EXOC4: variants seen among roughly 807,000 people sequenced by gnomAD.
EXOC4 encodes exocyst complex component 4.
In EXOC4, 71 loss-of-function variants were observed where a neutral mutation model predicts 107.2. The observed-to-expected ratio is 0.66, with a 90% confidence interval of 0.55 to 0.81. The LOEUF (loss-of-function observed/expected upper bound fraction) is 0.81. EXOC4 is among the 30% of genes least tolerant of loss of function. EXOC4 has a pLI of 0.00. For synonymous variants in EXOC4, 456 were observed against 441.2 expected (o/e 1.03, Z -0.42); for missense variants, 1,108 against 1,189.6 (o/e 0.93, Z 1.01).
At chr7:133,997,876 A>G (rs1794435440) in intron 15 of EXOC4, among the ~76,000 whole-genome samples, 1 of 152,206 alleles carries the variant, frequency 6.6e-6, no homozygotes, top group Non-Finnish European at 1.5e-5. Flanking sequence ...GAATGTCACT[A>G]TCAACTGGCT....
chr7:133,670,370 TC>T (rs1270378602), intron 10 of EXOC4, among the ~76,000 whole-genome samples: 2 of 152,258 alleles, frequency 1.3e-5, no homozygotes, highest in Non-Finnish European at 2.9e-5. Context: ...TGTGAAAGAT[TC>T]TGGCATTTCC....
the EXOC4 span, among the ~76,000 whole-genome samples, chr7:134,081,377 ACAG>A: frequency 1.3e-5 from 2 of 151,966 alleles, no homozygotes; most frequent in Admixed American, 1.3e-4. Flanking sequence ...AATAAATAAA[ACAG>A]CAGCCCCTTC....
At chr7:133,369,019 T>C (rs1376020230) in intron 6 of EXOC4, among the ~76,000 whole-genome samples, 2 of 152,214 alleles carry the variant, frequency 1.3e-5, no homozygotes, top group African/African-American at 4.8e-5. Context: ...TTCTTTTATT[T>C]AATATTTTCT....
At chr7:133,555,651 T>A (rs1800676574) in intron 9 of EXOC4, among the ~76,000 whole-genome samples, 1 of 152,202 alleles carries the variant, frequency 6.6e-6, no homozygotes, top group African/African-American at 2.4e-5. Context: ...GAGGGTTAAA[T>A]GAGATAATGC....
intron 9 of EXOC4, among the ~76,000 whole-genome samples, chr7:133,599,096 C>T (rs1368174041): frequency 6.6e-6 from 1 of 152,080 alleles, no homozygotes; most frequent in Non-Finnish European, 1.5e-5. Context: ...TACCTGTTTG[C>T]ATGATATTTT....
intron 5 of EXOC4, among the ~76,000 whole-genome samples, chr7:133,323,491 C>T (rs1348671541): frequency 6.6e-6 from 1 of 152,052 alleles, no homozygotes; most frequent in Non-Finnish European, 1.5e-5. Flanking sequence ...GTCTTTGGTT[C>T]TGTTTATATG....
At chr7:133,877,801 C>G (rs754649067) in intron 11 of EXOC4, among the ~76,000 whole-genome samples, 36 of 152,346 alleles carry the variant, frequency 2.4e-4, no homozygotes, top group Admixed American at 5.2e-4. Flanking sequence ...CCTCCTCTCT[C>G]TTTGCGAAGC....
chr7:133,745,688 A>G (rs1296728658), intron 10 of EXOC4, among the ~76,000 whole-genome samples: 1 of 151,250 alleles, frequency 6.6e-6, no homozygotes, highest in Non-Finnish European at 1.5e-5. Flanking sequence ...GGTTTATTTT[A>G]GAACTATTGC....
chr7:133,887,136 T>A (rs1344043765), intron 11 of EXOC4, among the ~76,000 whole-genome samples: 1 of 152,178 alleles, frequency 6.6e-6, no homozygotes, highest in Non-Finnish European at 1.5e-5. Flanking sequence ...CTCCAGTGGG[T>A]ATGCAGAGGT....
intron 10 of EXOC4, among the ~76,000 whole-genome samples, chr7:133,723,936 C>G (rs921722142): frequency 1.3e-5 from 2 of 152,058 alleles, no homozygotes; most frequent in African/African-American, 4.8e-5. Context: ...AGAATATTAT[C>G]TTGATCTACT....
chr7:133,679,047 T>G (rs1012561116), intron 10 of EXOC4, among the ~76,000 whole-genome samples: 22 of 152,326 alleles, frequency 1.4e-4, no homozygotes, highest in African/African-American at 5.1e-4. Context: ...TCATAACTTC[T>G]GTTTTGTTAA....
intron 7 of EXOC4, among the ~76,000 whole-genome samples, chr7:133,385,449 C>T (rs1051262209): frequency 3.3e-5 from 5 of 152,130 alleles, no homozygotes; most frequent in African/African-American, 4.8e-5. Flanking sequence ...AGAATATTTA[C>T]GTGATTACCG....
intron 3 of EXOC4, among the ~76,000 whole-genome samples, chr7:133,296,136 A>G (rs1049705447): frequency 6.6e-6 from 1 of 152,198 alleles, no homozygotes; most frequent in African/African-American, 2.4e-5. Context: ...AATCTGGCAC[A>G]TATTTTGATA....
chr7:133,935,851 T>C (rs1800287541), intron 13 of EXOC4, among the ~76,000 whole-genome samples: 1 of 152,188 alleles, frequency 6.6e-6, no homozygotes, highest in Non-Finnish European at 1.5e-5. Flanking sequence ...TGTTATACTC[T>C]TCTTTCTACT....
At chr7:133,975,940 T>C (rs995341613) in intron 14 of EXOC4, among the ~76,000 whole-genome samples, 1 of 152,192 alleles carries the variant, frequency 6.6e-6, no homozygotes, top group Non-Finnish European at 1.5e-5. Context: ...CCTGTGCTTT[T>C]AACCACCACA....
chr7:133,557,988 C>G (rs567574414), intron 9 of EXOC4, among the ~76,000 whole-genome samples: 1 of 152,104 alleles, frequency 6.6e-6, no homozygotes, highest in South Asian at 2.1e-4. Context: ...GACTTCTTCT[C>G]AAAAACAAAA....
At chr7:133,258,943 G>A (rs1257787420) in intron 1 of EXOC4, among the ~76,000 whole-genome samples, 1 of 151,978 alleles carries the variant, frequency 6.6e-6, no homozygotes, top group Non-Finnish European at 1.5e-5. Flanking sequence ...CTATAAACAA[G>A]CAAATCAAGG....
At chr7:134,057,203 GC>G (rs1795949980) in intron 17 of EXOC4, among the ~76,000 whole-genome samples, 1 of 152,122 alleles carries the variant, frequency 6.6e-6, no homozygotes, top group African/African-American at 2.4e-5. Flanking sequence ...AGAAGACCGA[GC>G]AAGCCTTAAA....
chr7:133,603,085 G>GT (rs1801846297), intron 9 of EXOC4, among the ~76,000 whole-genome samples: 1 of 151,844 alleles, frequency 6.6e-6, no homozygotes, highest in Admixed American at 6.6e-5. Context: ...GTGTTTTTTT[G>GT]TTTTTTAGTT....
Sources: gnomAD v4.1 joint callset for allele counts (sites outside exome capture counted in the v4.1 genomes callset) on GRCh38, gnomAD v4.1.1 for gene constraint, MANE v1.5 for transcripts, NCBI Gene and HGNC (gene_info 2026-07-23, HGNC 2026-07-21) for gene names.